The following DLC1 variants were observed in gnomAD, a reference collection of about 807,000 sequenced individuals.
DLC1 encodes DLC1 Rho GTPase activating protein.
In DLC1, 54 loss-of-function variants were observed where a neutral mutation model predicts 140.3. That is an observed-to-expected ratio of 0.38 (90% CI 0.31 to 0.48). The LOEUF is 0.48. Ranked by LOEUF, DLC1 falls within the 20% of genes least tolerant of loss-of-function variation. The pLI is 0.96. For missense variants in DLC1, 2,536 were observed against 1,907.0 expected (o/e 1.33, Z -6.14); for synonymous variants, 986 against 728.1 (o/e 1.35, Z -5.70).
intron 2 of DLC1, among the ~76,000 whole-genome samples, chr8:13,459,675 G>A (rs17093601): frequency 0.012 from 1,839 of 152,136 alleles, 10 homozygotes; most frequent in South Asian, 0.025. Context: ...AACTTCTCCC[G>A]CACAGCCAAG....
At position 13,362,934 on chromosome 8, in the gene DLC1, G is replaced by C. The variant is rs570742826; in HGVS notation, c.1314+30619C>G. On this transcript the variant is annotated intron_variant, in intron 4 of 17. Coordinates refer to ENST00000276297, the MANE Select transcript of DLC1 (RefSeq NM_182643.3). Reference sequence around the variant, plus strand: ...GGCCTTTCCAGACCATCCTACCAATGTTACTCCCCACATCTCTGTTTTCTC... The same window carrying C: ...GGCCTTTCCAGACCATCCTACCAATCTTACTCCCCACATCTCTGTTTTCTC... Among the ~76,000 whole-genome samples the C allele has an allele frequency of 9.2e-5, 14 of 152,120 alleles. No homozygotes were observed. In the South Asian group the frequency reaches 1.9e-3, roughly 20 times the overall value.
At chr8:13,264,245 G>A (rs983259649) in intron 5 of DLC1, among the ~76,000 whole-genome samples, 18 of 151,138 alleles carry the variant, frequency 1.2e-4, no homozygotes, top group African/African-American at 4.4e-4. Flanking sequence ...ATTTTTTTTT[G>A]TATTTTTAGT....
chr8:13,089,060 A>C (rs1817815229), intron 15 of DLC1, among the ~76,000 whole-genome samples: 1 of 151,966 alleles, frequency 6.6e-6, no homozygotes, highest in Non-Finnish European at 1.5e-5. Context: ...GGAGTTCAAG[A>C]CCAGCCTGGC....
At chr8:13,097,096 T>C (rs1818561321) in intron 10 of DLC1, among the ~76,000 whole-genome samples, 1 of 152,172 alleles carries the variant, frequency 6.6e-6, no homozygotes. Context: ...ATGAACAATT[T>C]GTACAATGCA....
chr8:13,142,926 G>C (rs1196114656), intron 5 of DLC1, among the ~76,000 whole-genome samples: 2 of 151,966 alleles, frequency 1.3e-5, no homozygotes, highest in African/African-American at 2.4e-5. Context: ...GCACATTCCT[G>C]TAATCCCAGC....
intron 1 of DLC1, among the ~76,000 whole-genome samples, chr8:13,504,992 G>T (rs988377503): frequency 6.6e-6 from 1 of 152,026 alleles, no homozygotes; most frequent in African/African-American, 2.4e-5. Context: ...TAAAAAAAGG[G>T]AAATAATAAA....
chr8:13,203,050 G>T (rs760188627), intron 5 of DLC1, among the ~76,000 whole-genome samples: 1 of 152,096 alleles, frequency 6.6e-6, no homozygotes, highest in Non-Finnish European at 1.5e-5. Context: ...CATGAAAACC[G>T]AATAGTAGGA....
chr8:13,092,749 C>A lies in DLC1; in HGVS notation c.3603G>T (p.Leu1201=). The A allele has an allele frequency of 2.5e-6, 4 of 1,614,124 alleles. No individual in the cohort carries two copies. The highest frequency in any genetic ancestry group is 3.4e-6 in the Non-Finnish European group (4 of 1,180,020). Residue 1201 remains leucine (L), a synonymous_variant, in exon 13 of 18, where the codon CTG becomes CTT. Transcript: ENST00000276297. The part of the protein sequence containing the change: ...MLLPDENREV[L]QTLLYFLSDV... ...CGCTCAGGAAATAAAGCAGGGTCTGCAGAACCTCCCGGTTCTCGTCAGGCA... is the reference window on the plus strand; with the variant it reads ...CGCTCAGGAAATAAAGCAGGGTCTGAAGAACCTCCCGGTTCTCGTCAGGCA...
At chr8:13,173,662 G>A (rs1272114319) in intron 5 of DLC1, among the ~76,000 whole-genome samples, 1 of 152,126 alleles carries the variant, frequency 6.6e-6, no homozygotes, top group Non-Finnish European at 1.5e-5. Context: ...GAGCCACCGC[G>A]CCCGGCCTGT....
chr8:13,330,484 C>T (rs1386632253), intron 4 of DLC1, among the ~76,000 whole-genome samples: 1 of 152,180 alleles, frequency 6.6e-6, no homozygotes, highest in African/African-American at 2.4e-5. Flanking sequence ...TTTTTCCATG[C>T]CACCCTCCTT....
chr8:13,325,890 G>A (rs12543681), intron 4 of DLC1, among the ~76,000 whole-genome samples: 23,111 of 152,098 alleles, frequency 0.15, 2,152 homozygotes, highest in East Asian at 0.38. Flanking sequence ...GCACTGTAAC[G>A]ATGATTTTCT....
chr8:13,530,822 A>G (rs914681704), intron 1 of DLC1, among the ~76,000 whole-genome samples: 22 of 152,206 alleles, frequency 1.4e-4, no homozygotes, highest in African/African-American at 5.1e-4. Context: ...TTCATTTCGG[A>G]GTCATGAAAT....
In DLC1 at chr8:13,342,850, C is replaced by CTT. The variant is rs1300108494; in HGVS notation, c.1315-37549_1315-37548insAA. On this transcript the variant is annotated intron_variant, in intron 4 of 17. Coordinates refer to ENST00000276297, the MANE Select transcript of DLC1 (RefSeq NM_182643.3). ...ATCAGTTGTGCTTCTCTCTCTCTCT[C>CTT]TCTCTCTCTTTGCGTCCAACATATC... 3.0e-4 allele frequency: 45 copies of CTT among 151,984 alleles called. No homozygotes were observed. The East Asian group carries it at 7.5e-3, about 25-fold the overall frequency. The allele number at this position is 151,984 out of a possible 1,614,324, so 9.4% of individuals were successfully genotyped here.
At chr8:13,236,831 A>G (rs1420924585) in intron 5 of DLC1, among the ~76,000 whole-genome samples, 1 of 152,018 alleles carries the variant, frequency 6.6e-6, no homozygotes, top group Non-Finnish European at 1.5e-5. Context: ...CTTGCCCATG[A>G]GAAGTGTTCA....
chr8:13,593,626 T>A (rs1206848238), intron 1 of DLC1, among the ~76,000 whole-genome samples: 1 of 152,092 alleles, frequency 6.6e-6, no homozygotes, highest in African/African-American at 2.4e-5. Flanking sequence ...GCTTAAGAGA[T>A]TGTTCATTAT....
chr8:13,439,370 C>T (rs1008788594), intron 2 of DLC1, among the ~76,000 whole-genome samples: 1 of 152,048 alleles, frequency 6.6e-6, no homozygotes, highest in Admixed American at 6.6e-5. Flanking sequence ...TCGATTTGGC[C>T]CACAGGCAGT....
At chr8:13,589,451 T>A (rs1295033046) in intron 1 of DLC1, among the ~76,000 whole-genome samples, 3 of 152,058 alleles carry the variant, frequency 2.0e-5, no homozygotes, top group African/African-American at 7.2e-5. Context: ...TGTGGATAGA[T>A]CACATGAGCC....
intron 4 of DLC1, among the ~76,000 whole-genome samples, chr8:13,375,026 G>GTT (rs776104758): frequency 2.1e-5 from 2 of 94,252 alleles, no homozygotes; most frequent in Admixed American, 1.3e-4. Context: ...GAATGCTTGT[G>GTT]ATTTTTTTTT....
intron 5 of DLC1, among the ~76,000 whole-genome samples, chr8:13,141,557 A>G (rs1822994429): frequency 6.6e-6 from 1 of 152,122 alleles, no homozygotes; most frequent in African/African-American, 2.4e-5. Flanking sequence ...TTTGAACTGT[A>G]TGTTGCTCTT....
Sources: gnomAD v4.1 joint callset for allele counts (sites outside exome capture counted in the v4.1 genomes callset) on GRCh38, gnomAD v4.1.1 for gene constraint, MANE v1.5 for transcripts, NCBI Gene and HGNC (gene_info 2026-07-23, HGNC 2026-07-21) for gene names.